Variants in THSD7B observed in about 807,000 individuals in gnomAD.
THSD7B encodes thrombospondin type-1 domain-containing protein 7B.
Under a neutral mutation model 213.6 loss-of-function variants are expected in THSD7B, and 138 were observed. The ratio of observed to expected loss-of-function variants is 0.65; its 90% CI spans 0.56 to 0.74. The LOEUF (loss-of-function observed/expected upper bound fraction) is 0.74, where lower values mean the gene tolerates loss of function less well. Among genes scored for constraint, THSD7B ranks in the 30% least tolerant of loss-of-function variants. The pLI is 0.00. For missense variants in THSD7B, 1,931 were observed against 1,991.5 expected, an observed-to-expected ratio of 0.97 and a Z score of 0.58; for synonymous variants, 742 against 687.0, an observed-to-expected ratio of 1.08 and a Z score of -1.25.
At chr2:137,373,047 A>C (rs796289545) in intron 12 of THSD7B, among the ~76,000 whole-genome samples, 1 of 151,832 alleles carries the variant, frequency 6.6e-6, no homozygotes, top group African/African-American at 2.4e-5. Flanking sequence ...TTATGGCTGC[A>C]TAGTATTCCA....
At chr2:137,472,417 G>A (rs145094973) in intron 15 of THSD7B, among the ~76,000 whole-genome samples, 2 of 152,084 alleles carry the variant, frequency 1.3e-5, no homozygotes, top group Admixed American at 6.5e-5. Context: ...AGTAGAAAAA[G>A]TATGTATTAG....
At position 136,767,655 on chromosome 2, in the gene THSD7B, A is replaced by T. The variant is rs144658466; in HGVS notation, c.-36+1968A>T. 1.9e-4 allele frequency among the ~76,000 whole-genome samples: 29 copies of T among 152,308 alleles called. No homozygotes were observed. The East Asian group carries it at 5.4e-3, about 28-fold the overall frequency. On this transcript the variant is annotated intron_variant, in intron 1 of 27. Transcript: ENST00000409968. The stretch of plus-strand genomic sequence containing the variant: ...GTAGGTGTCATTGTTGACTTTAAAA[A>T]CATCGGATAGTCTCGTATAAATCAG...
At chr2:137,063,190 G>T (rs1293000243) in intron 3 of THSD7B, among the ~76,000 whole-genome samples, 1 of 145,218 alleles carries the variant, frequency 6.9e-6, no homozygotes, top group East Asian at 2.1e-4. Context: ...GTATTCATCT[G>T]TCTTGTAGAT....
intron 2 of THSD7B, among the ~76,000 whole-genome samples, chr2:137,021,436 T>C (rs181408809): frequency 6.6e-6 from 1 of 152,264 alleles, no homozygotes; most frequent in Admixed American, 6.5e-5. Context: ...TTTTTAATTT[T>C]ATTTAAGTTT....
At chr2:137,558,232 A>T (rs1164496083) in intron 15 of THSD7B, among the ~76,000 whole-genome samples, 1 of 152,210 alleles carries the variant, frequency 6.6e-6, no homozygotes, top group Non-Finnish European at 1.5e-5. Context: ...CATCATCCTG[A>T]TACCAAAGCC....
chr2:137,505,310 C>G (rs1212196112), intron 15 of THSD7B, among the ~76,000 whole-genome samples: 2 of 152,202 alleles, frequency 1.3e-5, no homozygotes, highest in East Asian at 3.9e-4. Flanking sequence ...AATGCACATT[C>G]TGATTCAGTG....
chr2:136,885,752 G>A (rs984535842), intron 2 of THSD7B, among the ~76,000 whole-genome samples: 3 of 152,100 alleles, frequency 2.0e-5, no homozygotes, highest in Admixed American at 2.0e-4. Flanking sequence ...ATTGTTACAA[G>A]TACATGAGAT....
chr2:137,451,540 A>G (rs1425907663), intron 15 of THSD7B, among the ~76,000 whole-genome samples: 1 of 151,818 alleles, frequency 6.6e-6, no homozygotes. Flanking sequence ...TCTCTTTTGA[A>G]CTACTTCTTT....
intron 10 of THSD7B, among the ~76,000 whole-genome samples, chr2:137,271,428 TAA>T (rs1455528641): frequency 1.5e-5 from 2 of 136,212 alleles, no homozygotes; most frequent in African/African-American, 2.9e-5. Flanking sequence ...TATAATTATA[TAA>T]TATATATAAT....
chr2:137,558,560 A>G (rs1681036603), intron 15 of THSD7B, among the ~76,000 whole-genome samples: 1 of 152,248 alleles, frequency 6.6e-6, no homozygotes, highest in African/African-American at 2.4e-5. Flanking sequence ...GATGGAAAGT[A>G]TCTCAAAATA....
rs1223269854 is a variant in THSD7B at position 136,801,024 on chromosome 2, T to C, written c.-36+35337T>C. ...TGCCAGGTAGACCTGGAGTTTTTTT[T>C]TCCTTTGTCCCTCTTTACCCACTGT... On this transcript the variant is annotated intron_variant, in intron 1 of 27. Coordinates refer to ENST00000409968, the MANE Select transcript of THSD7B (RefSeq NM_001316349.2). Among the ~76,000 whole-genome samples the C allele has an allele frequency of 2.0e-5, 3 of 152,062 alleles. No homozygotes were observed. The East Asian group carries it at 5.8e-4, about 29-fold the overall frequency.
chr2:136,886,005 A>G (rs1212528856), intron 2 of THSD7B, among the ~76,000 whole-genome samples: 1 of 152,100 alleles, frequency 6.6e-6, no homozygotes, highest in Non-Finnish European at 1.5e-5. Context: ...CTGTAGATAT[A>G]TCAAGGTGAA....
chr2:137,383,993 AT>A (rs1317581333), intron 12 of THSD7B, among the ~76,000 whole-genome samples: 1 of 152,246 alleles, frequency 6.6e-6, no homozygotes, highest in African/African-American at 2.4e-5. Flanking sequence ...ACAATTAAGC[AT>A]TTTTTTAAAA....
intron 3 of THSD7B, among the ~76,000 whole-genome samples, chr2:137,067,784 C>G (rs11896085): frequency 6.6e-6 from 1 of 151,688 alleles, no homozygotes; most frequent in Admixed American, 6.6e-5. Context: ...AGGGCAGAAC[C>G]AAGAAAAACA....
intron 12 of THSD7B, among the ~76,000 whole-genome samples, chr2:137,336,322 A>C (rs1684638714): frequency 6.6e-6 from 1 of 152,212 alleles, no homozygotes; most frequent in Admixed American, 6.5e-5. Context: ...ATCTTCTGAA[A>C]CTGAATGATG....
intron 12 of THSD7B, among the ~76,000 whole-genome samples, chr2:137,335,266 G>T (rs914617171): frequency 1.2e-4 from 18 of 152,138 alleles, no homozygotes; most frequent in African/African-American, 4.3e-4. Flanking sequence ...GCCAAGAATT[G>T]CTTAGTGTTG....
chr2:137,479,035 C>G (rs1688249123), intron 15 of THSD7B, among the ~76,000 whole-genome samples: 1 of 152,134 alleles, frequency 6.6e-6, no homozygotes, highest in African/African-American at 2.4e-5. Flanking sequence ...TTTGGGCGTC[C>G]ACATAACTTG....
At chr2:137,249,167 A>G (rs551561250) in intron 10 of THSD7B, among the ~76,000 whole-genome samples, 1 of 151,806 alleles carries the variant, frequency 6.6e-6, no homozygotes, top group Non-Finnish European at 1.5e-5. Context: ...AAAATTCATT[A>G]AAAAACACCT....
chr2:137,590,024 A>AT (rs11302837), intron 17 of THSD7B, among the ~76,000 whole-genome samples: 19 of 150,904 alleles, frequency 1.3e-4, no homozygotes, highest in Admixed American at 7.9e-4. Flanking sequence ...TTTTAAGTTC[A>AT]TTTTTTTTTT....
Sources: allele counts gnomAD v4.1 joint callset (sites outside exome capture counted in the v4.1 genomes callset), GRCh38; gene constraint gnomAD v4.1.1; transcripts MANE v1.5; gene names NCBI Gene and HGNC (gene_info 2026-07-23, HGNC 2026-07-21).